Variants in RELN observed in about 807,000 individuals in gnomAD.
The protein encoded by RELN is reelin.
Under a neutral mutation model 427.6 loss-of-function variants are expected in RELN, and 108 were observed. The ratio of observed to expected loss-of-function variants is 0.25; its 90% confidence interval spans 0.22 to 0.30. RELN has a LOEUF of 0.30. Ranked by LOEUF, RELN falls within the 10% of genes least tolerant of loss-of-function variation. The pLI, the probability that RELN is intolerant of heterozygous loss-of-function variation, is 1.00. For synonymous variants in RELN, 1,524 were observed against 1,513.4 expected (o/e 1.01, Z -0.16); for missense variants, 3,715 against 4,302.8 (o/e 0.86, Z 3.82).
Position 103,502,926 on chromosome 7 carries a change from A to G in RELN, c.8489+90T>C, listed in dbSNP as rs1001329953. 1.0e-5 allele frequency: 11 copies of G among 1,089,418 alleles called. No homozygotes were observed. The South Asian group carries it at 1.0e-4, about 10-fold the overall frequency. The allele number at this position is 1,089,418 out of a possible 1,614,324, so 67.5% of individuals were successfully genotyped here. ...GAGAAAGAAAGCACTTTACCCACAA[A>G]TACACATAATTTCAGGCATGACAAC... On this transcript the variant is annotated intron_variant, in intron 52 of 64. Coordinates refer to ENST00000428762, the MANE Select transcript of RELN (RefSeq NM_005045.4).
At chr7:103,700,804 G>C (rs1834073777) in intron 9 of RELN, 106 bp downstream of exon 9, 1 of 769,032 alleles carries the variant, frequency 1.3e-6, no homozygotes, top group East Asian at 2.4e-5. Flanking sequence ...AACAACCAGA[G>C]TCCTTTTTAC....
intron 27 of RELN, among the ~76,000 whole-genome samples, chr7:103,590,574 A>C (rs1289127647): frequency 4.7e-5 from 7 of 147,778 alleles, no homozygotes; most frequent in African/African-American, 1.8e-4. Context: ...ATAAATAAAT[A>C]AATAAATAAA....
chr7:103,710,462 G>A (rs186077892), intron 8 of RELN, among the ~76,000 whole-genome samples: 184 of 152,288 alleles, frequency 1.2e-3, no homozygotes, highest in African/African-American at 4.1e-3. Flanking sequence ...GATGCATCCA[G>A]CATCATGACT....
chr7:103,653,804 C>T (rs981368750), intron 13 of RELN, among the ~76,000 whole-genome samples: 4 of 151,996 alleles, frequency 2.6e-5, no homozygotes, highest in Non-Finnish European at 4.4e-5. Context: ...ATTAGAGTTA[C>T]ATTTAGGGCT....
chr7:103,720,129 A>T (rs937246747), intron 8 of RELN, among the ~76,000 whole-genome samples: 1 of 151,650 alleles, frequency 6.6e-6, no homozygotes, highest in African/African-American at 2.4e-5. Flanking sequence ...ACACACATGT[A>T]TGTATACATA....
At chr7:103,913,205 T>C (rs761332416) in intron 2 of RELN, among the ~76,000 whole-genome samples, 16 of 152,314 alleles carry the variant, frequency 1.1e-4, no homozygotes, top group African/African-American at 3.6e-4. Flanking sequence ...AGTATAATTA[T>C]GGACATTTTG....
intron 3 of RELN, among the ~76,000 whole-genome samples, chr7:103,780,181 C>G (rs966301577): frequency 6.6e-6 from 1 of 152,210 alleles, no homozygotes; most frequent in Non-Finnish European, 1.5e-5. Context: ...TGCACTTTGT[C>G]TTTGAAAATA....
chr7:103,579,975 G>A (rs1831093011), intron 28 of RELN, among the ~76,000 whole-genome samples: 1 of 152,152 alleles, frequency 6.6e-6, no homozygotes, highest in Non-Finnish European at 1.5e-5. Flanking sequence ...ATAGCATATT[G>A]CCTGGATGGG....
At chr7:103,527,540 T>C (rs1453574658) in intron 46 of RELN, among the ~76,000 whole-genome samples, 1 of 152,138 alleles carries the variant, frequency 6.6e-6, no homozygotes, top group Non-Finnish European at 1.5e-5. Flanking sequence ...ATATGAACAG[T>C]TGTTAAGCTA....
intron 2 of RELN, among the ~76,000 whole-genome samples, chr7:103,852,911 C>A (rs1352984207): frequency 6.6e-6 from 1 of 151,950 alleles, no homozygotes; most frequent in Admixed American, 6.6e-5. Flanking sequence ...AGTGCCTAGA[C>A]AAGACAAATA....
At chr7:103,544,526 A>G (rs908925926) in intron 42 of RELN, among the ~76,000 whole-genome samples, 1 of 152,144 alleles carries the variant, frequency 6.6e-6, no homozygotes, top group Non-Finnish European at 1.5e-5. Flanking sequence ...CACCAGGCCG[A>G]AAGAAAATCT....
At position 103,636,287 on chromosome 7, in the gene RELN, T is replaced by C. The variant is rs1312510450; in HGVS notation, c.2251A>G (p.Lys751Glu). 1 of 1,614,078 alleles carries C rather than the reference T, an allele frequency of 6.2e-7. No homozygotes were observed. The highest frequency in any genetic ancestry group is 1.7e-5 in the Admixed American group (1 of 60,008). The change falls in exon 18 of 65, where the codon AAA (lysine) becomes GAA (glutamate). Residue 751 changes from lysine to glutamate, a missense_variant. This residue lies in a region of RELN where 2,208 missense variants were observed against 2,361.7 expected (regional missense o/e 0.93). Coordinates refer to ENST00000428762, the MANE Select transcript of RELN (RefSeq NM_005045.4). ...LASGKALVFN[K>E]DGRRQLITSF... The stretch of plus-strand genomic sequence containing the variant: ...GTAATTAGCTGACGCCGCCCATCTT[T>C]GTTGAAAACCAGGGCCTTACCACTG...
At chr7:103,548,377 G>A (rs1830345251) in intron 41 of RELN, among the ~76,000 whole-genome samples, 1 of 152,170 alleles carries the variant, frequency 6.6e-6, no homozygotes, top group Non-Finnish European at 1.5e-5. Context: ...CCATTACTAT[G>A]TACCATGTTG....
At chr7:103,851,968 A>G (rs560496083) in intron 2 of RELN, among the ~76,000 whole-genome samples, 3 of 152,330 alleles carry the variant, frequency 2.0e-5, no homozygotes, top group South Asian at 4.1e-4. Context: ...CACAGCCACA[A>G]TATGGAAATA....
chr7:103,884,571 T>TA (rs555041451), intron 2 of RELN, among the ~76,000 whole-genome samples: 29 of 152,174 alleles, frequency 1.9e-4, no homozygotes, highest in Non-Finnish European at 4.1e-4. Flanking sequence ...ACAAAGAACT[T>TA]AAACAAATTT....
intron 9 of RELN, among the ~76,000 whole-genome samples, chr7:103,699,640 T>A (rs997781844): frequency 6.6e-6 from 1 of 152,264 alleles, no homozygotes; most frequent in African/African-American, 2.4e-5. Flanking sequence ...TTACTTCAAC[T>A]ATGATATATA....
chr7:103,909,337 G>A (rs535196162), intron 2 of RELN, among the ~76,000 whole-genome samples: 1 of 151,888 alleles, frequency 6.6e-6, no homozygotes, highest in South Asian at 2.1e-4. Flanking sequence ...GCATTTCTAT[G>A]TTCAGTGAAA....
intron 57 of RELN, among the ~76,000 whole-genome samples, chr7:103,494,456 C>T (rs1828769317): frequency 1.3e-5 from 2 of 150,502 alleles, no homozygotes; most frequent in South Asian, 2.1e-4. Flanking sequence ...CTCACTGTAA[C>T]CTCCAACCAC....
intron 6 of RELN, among the ~76,000 whole-genome samples, chr7:103,742,648 C>G (rs1041477332): frequency 2.0e-5 from 3 of 152,128 alleles, no homozygotes; most frequent in Non-Finnish European, 2.9e-5. Context: ...ATGCGATCAA[C>G]TGGAAGAAAG....
Sources: gnomAD v4.1 joint callset for allele counts (sites outside exome capture counted in the v4.1 genomes callset) on GRCh38, gnomAD v4.1.1 for gene constraint, gnomAD v4.1.1 regional missense constraint, MANE v1.5 for transcripts, NCBI Gene and HGNC (gene_info 2026-07-23, HGNC 2026-07-21) for gene names.